CENPW: variants seen among roughly 807,000 people sequenced by gnomAD.
CENPW encodes the protein centromere protein W.
In CENPW, 3 loss-of-function variants were observed where a neutral mutation model predicts 11.1. That is an observed-to-expected ratio of 0.27 (90% confidence interval 0.12 to 0.70). CENPW has a LOEUF of 0.70. CENPW is among the 30% of genes least tolerant of loss of function. CENPW has a pLI of 0.77. For missense variants in CENPW, 100 were observed against 105.6 expected (o/e 0.95, Z 0.23); for synonymous variants, 38 against 42.0 (o/e 0.91, Z 0.37).
the CENPW span, among the ~76,000 whole-genome samples, chr6:126,450,287 A>G: frequency 6.6e-6 from 1 of 151,142 alleles, no homozygotes; most frequent in African/African-American, 2.4e-5. Context: ...TGTAAGACTG[A>G]CTTACTGAAT....
At chr6:126,445,006 A>C in the CENPW span, among the ~76,000 whole-genome samples, 1 of 151,016 alleles carries the variant, frequency 6.6e-6, no homozygotes, top group Non-Finnish European at 1.5e-5. Flanking sequence ...ACTTGTTTTG[A>C]AAGGGTCCCT....
the CENPW span, among the ~76,000 whole-genome samples, chr6:126,462,182 G>A: frequency 6.6e-6 from 1 of 151,802 alleles, no homozygotes; most frequent in Non-Finnish European, 1.5e-5. Flanking sequence ...TGTATTTAAG[G>A]TGTGCAACAT....
the CENPW span, among the ~76,000 whole-genome samples, chr6:126,438,329 A>T: frequency 6.6e-6 from 1 of 151,906 alleles, no homozygotes; most frequent in East Asian, 1.9e-4. Context: ...ATAAAAATGT[A>T]GCTGAATGAT....
At chr6:126,443,158 A>G in the CENPW span, among the ~76,000 whole-genome samples, 59 of 151,400 alleles carry the variant, frequency 3.9e-4, no homozygotes, top group Non-Finnish European at 7.4e-4. Flanking sequence ...CAATTGCTTC[A>G]TAAATTTTTT....
At chr6:126,365,375 T>C in the CENPW span, among the ~76,000 whole-genome samples, 32 of 152,306 alleles carry the variant, frequency 2.1e-4, no homozygotes, top group African/African-American at 7.7e-4. Context: ...CTCTACAGGC[T>C]TCTGCTTCTG....
the CENPW span, among the ~76,000 whole-genome samples, chr6:126,420,726 G>A: frequency 6.6e-6 from 1 of 152,160 alleles, no homozygotes; most frequent in Non-Finnish European, 1.5e-5. Context: ...TGGGGAGTAC[G>A]GTAATCTCTA....
the CENPW span, among the ~76,000 whole-genome samples, chr6:126,403,047 A>C: frequency 2.0e-5 from 3 of 152,084 alleles, no homozygotes; most frequent in Admixed American, 2.0e-4. Flanking sequence ...ATCTGTAATC[A>C]GAAATATTTG....
the CENPW span, among the ~76,000 whole-genome samples, chr6:126,366,253 T>A: frequency 0.011 from 1,739 of 152,220 alleles, 24 homozygotes; most frequent in Non-Finnish European, 0.015. Flanking sequence ...TCTGTAATTT[T>A]AAAAAAATTA....
At chr6:126,480,196 A>G in the CENPW span, among the ~76,000 whole-genome samples, 1 of 152,064 alleles carries the variant, frequency 6.6e-6, no homozygotes, top group Non-Finnish European at 1.5e-5. Flanking sequence ...ACACACACAG[A>G]GAAATGAAAT....
chr6:126,427,732 G>A, the CENPW span, among the ~76,000 whole-genome samples: 1 of 152,184 alleles, frequency 6.6e-6, no homozygotes, highest in African/African-American at 2.4e-5. Context: ...GTATTCAACT[G>A]TTGTGTGACA....
chr6:126,464,058 C>G, the CENPW span, among the ~76,000 whole-genome samples: 1 of 151,898 alleles, frequency 6.6e-6, no homozygotes, highest in Non-Finnish European at 1.5e-5. Context: ...TTATTGTTAT[C>G]AAATTGTAAA....
downstream of CENPW, among the ~76,000 whole-genome samples, chr6:126,350,288 CAT>C (rs1009307365): frequency 6.6e-6 from 1 of 152,224 alleles, no homozygotes; most frequent in Admixed American, 6.5e-5. Flanking sequence ...TTATAGATAA[CAT>C]AAATTTTTTT....
chr6:126,418,914 C>G, the CENPW span, among the ~76,000 whole-genome samples: 13 of 125,718 alleles, frequency 1.0e-4, no homozygotes, highest in East Asian at 9.2e-4. Flanking sequence ...GGGAACATCA[C>G]ACACCGGGGC....
At chr6:126,459,991 C>A in the CENPW span, among the ~76,000 whole-genome samples, 1 of 150,280 alleles carries the variant, frequency 6.7e-6, no homozygotes, top group Non-Finnish European at 1.5e-5. Flanking sequence ...CAAATAAATT[C>A]TATTCTTATG....
chr6:126,480,625 G>A, the CENPW span, among the ~76,000 whole-genome samples: 4 of 151,972 alleles, frequency 2.6e-5, no homozygotes, highest in Non-Finnish European at 4.4e-5. Context: ...CACTATGCAA[G>A]TACTCATTAA....
the CENPW span, among the ~76,000 whole-genome samples, chr6:126,470,398 A>G: frequency 6.6e-6 from 1 of 152,112 alleles, no homozygotes; most frequent in Non-Finnish European, 1.5e-5. Flanking sequence ...AGGTTTGGGA[A>G]CCTCTGCCTA....
the CENPW span, among the ~76,000 whole-genome samples, chr6:126,448,206 A>G: frequency 6.6e-6 from 1 of 151,088 alleles, no homozygotes; most frequent in Non-Finnish European, 1.5e-5. Context: ...CTCAAGACTT[A>G]CTGAATCAGG....
chr6:126,414,615 A>T, the CENPW span, among the ~76,000 whole-genome samples: 10 of 152,096 alleles, frequency 6.6e-5, no homozygotes, highest in African/African-American at 2.4e-4. Flanking sequence ...AACCTATGGG[A>T]TATAGCAAAA....
the CENPW span, among the ~76,000 whole-genome samples, chr6:126,367,592 G>A: frequency 6.6e-6 from 1 of 152,190 alleles, no homozygotes. Context: ...TAGATAGGAT[G>A]AGATTGAAGA....
Sources: allele counts gnomAD v4.1 joint callset (sites outside exome capture counted in the v4.1 genomes callset), GRCh38; gene constraint gnomAD v4.1.1; transcripts MANE v1.5; gene names NCBI Gene and HGNC (gene_info 2026-07-23, HGNC 2026-07-21).